The following ADK variants were observed in gnomAD, a reference collection of about 807,000 sequenced individuals.
The protein encoded by ADK is adenosine kinase.
A neutral mutation model predicts 44.7 loss-of-function variants in ADK; 24 were observed. That is an observed-to-expected ratio of 0.54 (90% CI 0.39 to 0.76). The LOEUF is 0.76. Among genes scored for constraint, ADK ranks in the 30% least tolerant of loss-of-function variants. The pLI is 0.00. For missense variants in ADK, 321 were observed against 425.1 expected, an observed-to-expected ratio of 0.76 and a Z score of 2.15; for synonymous variants, 128 against 142.6, an observed-to-expected ratio of 0.90 and a Z score of 0.73.
chr10:74,656,349 C>A (rs542687413), intron 9 of ADK, among the ~76,000 whole-genome samples: 7 of 152,320 alleles, frequency 4.6e-5, no homozygotes, highest in African/African-American at 1.7e-4. Flanking sequence ...ATCCTTGCTG[C>A]TGGGGACTTG....
intron 9 of ADK, among the ~76,000 whole-genome samples, chr10:74,645,913 G>A (rs994025488): frequency 4.6e-5 from 7 of 152,002 alleles, no homozygotes; most frequent in Non-Finnish European, 8.8e-5. Flanking sequence ...GACAAAGCAA[G>A]GTTATGGGAA....
intron 6 of ADK, among the ~76,000 whole-genome samples, chr10:74,447,368 A>C (rs1218917264): frequency 1.3e-5 from 2 of 152,162 alleles, no homozygotes; most frequent in Admixed American, 1.3e-4. Flanking sequence ...TATTAGGCAG[A>C]GTCAAGTGAG....
chr10:74,582,467 C>T (rs1589270011), intron 7 of ADK, among the ~76,000 whole-genome samples: 2 of 152,046 alleles, frequency 1.3e-5, no homozygotes, highest in South Asian at 4.1e-4. Context: ...GTCTGTCTTA[C>T]GTTTTGATGA....
Position 74,169,735 on chromosome 10 carries a change from C to T in ADK, c.65+18392C>T, listed in dbSNP as rs557786710. 2.0e-5 allele frequency among the ~76,000 whole-genome samples: 3 copies of T among 152,264 alleles called. No individual in the cohort carries two copies. In the South Asian group the frequency reaches 6.2e-4, roughly 32 times the overall value. Reference sequence around the variant, plus strand: ...TGCAGGAGAGAATTAATAGATTTAGCAGTGTTTCTTTGAATAAACTTGTCC... The same window carrying T: ...TGCAGGAGAGAATTAATAGATTTAGTAGTGTTTCTTTGAATAAACTTGTCC... On this transcript the variant is annotated intron_variant, in intron 1 of 10. Coordinates refer to ENST00000539909, the MANE Select transcript of ADK (RefSeq NM_006721.4).
chr10:74,265,703 T>C (rs570055534), intron 3 of ADK, among the ~76,000 whole-genome samples: 68 of 152,350 alleles, frequency 4.5e-4, no homozygotes, highest in Non-Finnish European at 7.3e-4. Flanking sequence ...TTTAATGCCA[T>C]TTGTTTTCTT....
At chr10:74,302,414 C>T (rs887064726) in intron 3 of ADK, among the ~76,000 whole-genome samples, 1 of 151,452 alleles carries the variant, frequency 6.6e-6, no homozygotes, top group Admixed American at 6.6e-5. Flanking sequence ...GAGCCACTGC[C>T]CCCAGCCTGT....
intron 3 of ADK, among the ~76,000 whole-genome samples, chr10:74,229,405 T>G (rs1591896614): frequency 6.8e-6 from 1 of 146,586 alleles, no homozygotes; most frequent in Non-Finnish European, 1.5e-5. Flanking sequence ...TTTTTTTTTT[T>G]TTTTTTTGGT....
In ADK at chr10:74,159,827, A is replaced by AG. The variant is rs948799791; in HGVS notation, c.65+8486dup. Among the ~76,000 whole-genome samples, 5 of 152,296 alleles carry AG rather than the reference A, an allele frequency of 3.3e-5. No homozygotes were observed. The South Asian group carries it at 1.0e-3, about 32-fold the overall frequency. On this transcript the variant is annotated intron_variant, in intron 1 of 10. Transcript: ENST00000539909. The stretch of plus-strand genomic sequence containing the variant: ...AGGCTGGTCTCAAATGCCTGACCTC[A>AG]GGTGATCCACCTGCCTTGGCCTCCC...
intron 1 of ADK, among the ~76,000 whole-genome samples, chr10:74,182,443 A>T (rs1251616573): frequency 6.6e-6 from 1 of 151,958 alleles, no homozygotes; most frequent in Non-Finnish European, 1.5e-5. Context: ...ATATCTGCTC[A>T]CTGCAACCTC....
intron 1 of ADK, among the ~76,000 whole-genome samples, chr10:74,166,508 T>C (rs1211906865): frequency 6.6e-6 from 1 of 151,736 alleles, no homozygotes; most frequent in Admixed American, 6.6e-5. Flanking sequence ...TTTGTAGAGA[T>C]GAGGTTTTGC....
chr10:74,417,668 C>T (rs1355382493), intron 6 of ADK, among the ~76,000 whole-genome samples: 1 of 151,688 alleles, frequency 6.6e-6, no homozygotes, highest in African/African-American at 2.4e-5. Context: ...CCATATCTGA[C>T]ATGCCATGTT....
chr10:74,347,934 A>G (rs1358856182), intron 4 of ADK, among the ~76,000 whole-genome samples: 1 of 152,086 alleles, frequency 6.6e-6, no homozygotes, highest in Non-Finnish European at 1.5e-5. Flanking sequence ...TTATGGATAA[A>G]ACTCCCATCT....
intron 3 of ADK, among the ~76,000 whole-genome samples, chr10:74,233,289 C>T (rs184790519): frequency 2.0e-5 from 3 of 152,218 alleles, no homozygotes; most frequent in East Asian, 1.9e-4. Context: ...TAATGAATTG[C>T]GTGTTCTGTT....
At chr10:74,250,762 C>G (rs1169359445) in intron 3 of ADK, among the ~76,000 whole-genome samples, 1 of 152,036 alleles carries the variant, frequency 6.6e-6, no homozygotes, top group Non-Finnish European at 1.5e-5. Context: ...GATTAAAAAT[C>G]AAATTCAGAG....
At chr10:74,296,551 G>A (rs1839821995) in intron 3 of ADK, among the ~76,000 whole-genome samples, 1 of 151,678 alleles carries the variant, frequency 6.6e-6, no homozygotes, top group Admixed American at 6.6e-5. Flanking sequence ...GATATAAATT[G>A]CTACAACCTC....
intron 6 of ADK, among the ~76,000 whole-genome samples, chr10:74,424,772 T>C (rs375456917): frequency 6.6e-6 from 1 of 152,262 alleles, no homozygotes; most frequent in South Asian, 2.1e-4. Flanking sequence ...ATATTGGTAA[T>C]TGTATCTTCA....
At chr10:74,290,751 AT>A (rs2132478525) in intron 3 of ADK, among the ~76,000 whole-genome samples, 1 of 152,166 alleles carries the variant, frequency 6.6e-6, no homozygotes, top group East Asian at 1.9e-4. Flanking sequence ...TTTAAATTTA[AT>A]TTTTCCTGTC....
intron 6 of ADK, among the ~76,000 whole-genome samples, chr10:74,513,180 G>A (rs1027864118): frequency 2.0e-5 from 3 of 152,046 alleles, no homozygotes; most frequent in Non-Finnish European, 4.4e-5. Flanking sequence ...CCTTACACAC[G>A]ATTGATCCTG....
intron 6 of ADK, among the ~76,000 whole-genome samples, chr10:74,484,897 G>A (rs1210030070): frequency 1.3e-5 from 2 of 152,024 alleles, no homozygotes; most frequent in African/African-American, 4.8e-5. Context: ...TCAATTTCAG[G>A]TGAATTATAG....
Sources: gnomAD v4.1 joint callset for allele counts (sites outside exome capture counted in the v4.1 genomes callset) on GRCh38, gnomAD v4.1.1 for gene constraint, MANE v1.5 for transcripts, NCBI Gene and HGNC (gene_info 2026-07-23, HGNC 2026-07-21) for gene names.